Variants in NUFIP2 observed in about 807,000 individuals in gnomAD.
NUFIP2 encodes FMR1-interacting protein NUFIP2.
A neutral mutation model predicts 56.9 loss-of-function variants in NUFIP2; 6 were observed. The ratio of observed to expected loss-of-function variants is 0.11; its 90% CI spans 0.06 to 0.21. NUFIP2 has a LOEUF of 0.21. Among genes scored for constraint, NUFIP2 ranks in the 10% least tolerant of loss-of-function variants. The pLI is 1.00. For missense variants in NUFIP2, 828 were observed against 826.8 expected (o/e 1.00, Z -0.02); for synonymous variants, 321 against 298.2 (o/e 1.08, Z -0.79).
In NUFIP2 at chr17:29,261,824, A is replaced by G. The variant is rs2069004825; in HGVS notation, c.*2715T>C. 6.6e-6 allele frequency: 1 copy of G among 152,596 alleles called. No homozygotes were observed. Among genetic ancestry groups the G allele is most frequent in the South Asian group, 2.1e-4 (1 of 4,832 alleles). The allele number at this position is 152,596 out of a possible 1,614,324, so 9.5% of individuals were successfully genotyped here. A position where few individuals can be genotyped will look rare whatever the true frequency, so the allele number is the denominator to read the frequency against. On this transcript the variant is annotated 3_prime_UTR_variant, in exon 4 of 4. Transcript: ENST00000225388. ...CTGACAGTTAATATGATGGGGCACT[A>G]GGGTTCTCAGAAAGTTAACAGACAT...
intron 2 of NUFIP2, among the ~76,000 whole-genome samples, chr17:29,276,566 G>T (rs1395071897): frequency 6.6e-6 from 1 of 152,146 alleles, no homozygotes; most frequent in Non-Finnish European, 1.5e-5. Context: ...TCTAACTCCT[G>T]ACCTCAAGTG....
At chr17:29,266,033 TG>T (rs1176900679) in intron 3 of NUFIP2, among the ~76,000 whole-genome samples, 1 of 152,154 alleles carries the variant, frequency 6.6e-6, no homozygotes, top group African/African-American at 2.4e-5. Context: ...AGCAATGGCG[TG>T]ATCTCAGCTC....
At position 29,273,799 on chromosome 17, in the gene NUFIP2, A is replaced by C. The variant is rs1021499020; in HGVS notation, c.2003-6269T>G. Among the ~76,000 whole-genome samples, 5 of 152,182 alleles carry C rather than the reference A, an allele frequency of 3.3e-5. No individual in the cohort carries two copies. In the East Asian group the frequency reaches 9.6e-4, roughly 29 times the overall value. On this transcript the variant is annotated intron_variant, in intron 2 of 3. Transcript: ENST00000225388. ...CCCAATCTGAAATTTCTTTACATCA[A>C]AACTTATATTTAGCTATGCCACTCA...
rs764038674 is a variant in NUFIP2, at chr17:29,283,467, T to G, written c.2002+2525A>C. Among the ~76,000 whole-genome samples, 94 of 152,182 alleles carry G rather than the reference T, an allele frequency of 6.2e-4. 1 individual carries two copies. Among genetic ancestry groups the G allele is most frequent in the Admixed American group, 4.6e-4 (7 of 15,278 alleles). On this transcript the variant is annotated intron_variant, in intron 2 of 3. Transcript: ENST00000225388. ...GATCCTCCCTCCTAAGCCTCCCAAG[T>G]AGCTGGGACTACACATTGTTGCCCA...
intron 2 of NUFIP2, among the ~76,000 whole-genome samples, chr17:29,268,616 C>T (rs1304973690): frequency 6.6e-6 from 1 of 152,160 alleles, no homozygotes; most frequent in Non-Finnish European, 1.5e-5. Context: ...CTCCCGGGTT[C>T]AAGCGATTCT....
At chr17:29,267,577 G>GT in intron 2 of NUFIP2, 47 bp from the exon 3 acceptor site, 1 of 1,145,216 alleles carries the variant, frequency 8.7e-7, no homozygotes, top group Non-Finnish European at 1.3e-6. Context: ...GGTGAGCAAA[G>GT]TCTGAAGCGA....
At position 29,260,477 on chromosome 17, in the gene NUFIP2, T is replaced by C. The variant is rs2068996287; in HGVS notation, c.*4062A>G. The C allele has an allele frequency of 6.6e-6, 1 of 152,222 alleles. No individual in the cohort carries two copies. Among genetic ancestry groups the C allele is most frequent in the Non-Finnish European group, 1.5e-5 (1 of 68,038 alleles). 9.4% of individuals were successfully genotyped at this position (152,222 alleles called of 1,614,324 possible). A position where few individuals can be genotyped will look rare whatever the true frequency, so the allele number is the denominator to read the frequency against. On this transcript the variant is annotated 3_prime_UTR_variant, in exon 4 of 4. Coordinates refer to ENST00000225388, the MANE Select transcript of NUFIP2 (RefSeq NM_020772.3). ...ATCTATTTCTCTGAAGAGAGCCTTG[T>C]AGGAATGACTCCGTCCTTATTTACA...
chr17:29,268,056 G>A (rs1443241012), intron 2 of NUFIP2, among the ~76,000 whole-genome samples: 1 of 152,026 alleles, frequency 6.6e-6, no homozygotes, highest in African/African-American at 2.4e-5. Flanking sequence ...CCGCCACCAC[G>A]CCCAGCTAAT....
In NUFIP2 at chr17:29,256,740, T is replaced by C. The variant is rs921971099; in HGVS notation, c.*7799A>G. ...TACATCTACACATTATAAGTACACA[T>C]ACACAAAGTAAAGCTATTTAGTACA... On this transcript the variant is annotated 3_prime_UTR_variant, in exon 4 of 4. Transcript: ENST00000225388. 1 of 152,002 alleles carries C rather than the reference T, an allele frequency of 6.6e-6. No homozygotes were observed. Among genetic ancestry groups the C allele is most frequent in the Non-Finnish European group, 1.5e-5 (1 of 67,976 alleles). 9.4% of individuals were successfully genotyped at this position (152,002 alleles called of 1,614,324 possible). A position where few individuals can be genotyped will look rare whatever the true frequency, so the allele number is the denominator to read the frequency against.
rs1349812994 is a variant in NUFIP2, at chr17:29,294,143, A to G, written c.-84T>C. The G allele has an allele frequency of 3.4e-6, 5 of 1,477,840 alleles. No individual in the cohort carries two copies. Among genetic ancestry groups the G allele is most frequent in the African/African-American group, 1.4e-5 (1 of 71,346 alleles). 91.5% of individuals were successfully genotyped at this position (1,477,840 alleles called of 1,614,324 possible). On this transcript the variant is annotated 5_prime_UTR_variant, in exon 1 of 4. Coordinates refer to ENST00000225388, the MANE Select transcript of NUFIP2 (RefSeq NM_020772.3). ...GACTGCTTCTCAGGGCTCACTCAGT[A>G]TATCTGAGCGCGTCTCGCCAGCGCA...
At chr17:29,271,462 C>T (rs759498667) in intron 2 of NUFIP2, among the ~76,000 whole-genome samples, 18 of 151,654 alleles carry the variant, frequency 1.2e-4, no homozygotes, top group Admixed American at 9.2e-4. Context: ...ACTTGAACCC[C>T]GTAGACGGAG....
intron 2 of NUFIP2, among the ~76,000 whole-genome samples, chr17:29,274,026 T>A (rs1354436537): frequency 6.6e-6 from 1 of 151,354 alleles, no homozygotes; most frequent in Non-Finnish European, 1.5e-5. Context: ...AACCAAAGAG[T>A]CTGCCCTCTG....
At chr17:29,279,602 T>C (rs1349243795) in intron 2 of NUFIP2, among the ~76,000 whole-genome samples, 1 of 152,190 alleles carries the variant, frequency 6.6e-6, no homozygotes, top group Non-Finnish European at 1.5e-5. Context: ...AGCACGATTA[T>C]GGCTCACTGC....
chr17:29,271,410 G>A (rs944871051), intron 2 of NUFIP2, among the ~76,000 whole-genome samples: 3 of 151,938 alleles, frequency 2.0e-5, no homozygotes, highest in African/African-American at 7.3e-5. Context: ...GGTGGTGCAC[G>A]CCTGTAATCC....
Position 29,287,587 on chromosome 17 carries a change from T to C in NUFIP2, c.407A>G (p.Lys136Arg). The C allele has an allele frequency of 6.2e-7, 1 of 1,614,212 alleles. No homozygotes were observed. The highest frequency in any genetic ancestry group is 8.5e-7 in the Non-Finnish European group (1 of 1,180,040). ...AAAGGTGTTGGCCTTTACAGTCTGC[T>C]TCAGGCTAGTGTCTACAACTTGCTG... ...GNQQVVDTSLKQTVKANTFGK... is the reference protein window; with the variant it reads ...GNQQVVDTSLRQTVKANTFGK... The change falls in exon 2 of 4, where the codon AAG (lysine) becomes AGG (arginine). Residue 136 changes from lysine (K) to arginine (R), a missense_variant. Around this residue, in one of 3 missense-constraint regions of NUFIP2, gnomAD observed 415 missense variants for 408.7 expected, o/e 1.02. Coordinates refer to ENST00000225388, the MANE Select transcript of NUFIP2 (RefSeq NM_020772.3).
chr17:29,267,633 A>G, intron 2 of NUFIP2, 103 bp from the exon 3 acceptor site: 1 of 663,448 alleles, frequency 1.5e-6, no homozygotes, highest in Non-Finnish European at 2.5e-6. Flanking sequence ...TTACTGCCAG[A>G]CTGGAGGTAG....
In NUFIP2 at chr17:29,256,529, G is replaced by T. The variant is rs569676639; in HGVS notation, c.*8010C>A. On this transcript the variant is annotated 3_prime_UTR_variant, in exon 4 of 4. Coordinates refer to ENST00000225388, the MANE Select transcript of NUFIP2 (RefSeq NM_020772.3). ...AGGCAACAATATACTTGATGAAGAA[G>T]TAACCCTCTTCTGTATATTGAAAAA... The T allele has an allele frequency of 1.2e-4, 18 of 152,180 alleles. No homozygotes were observed. Among genetic ancestry groups the T allele is most frequent in the African/African-American group, 3.9e-4 (16 of 41,526 alleles). 9.4% of individuals were successfully genotyped at this position (152,180 alleles called of 1,614,324 possible). A position where few individuals can be genotyped will look rare whatever the true frequency, so the allele number is the denominator to read the frequency against.
Position 29,292,613 on chromosome 17 carries a change from C to A in NUFIP2, c.277+1170G>T, listed in dbSNP as rs1017268989. Among the ~76,000 whole-genome samples, 27 of 150,386 alleles carry A rather than the reference C, an allele frequency of 1.8e-4. 1 individual carries two copies. The East Asian group carries it at 2.0e-3, about 11-fold the overall frequency. On this transcript the variant is annotated intron_variant, in intron 1 of 3. Coordinates refer to ENST00000225388, the MANE Select transcript of NUFIP2 (RefSeq NM_020772.3). ...GAAATGAATCCCCCCGCCGCCCCCC[C>A]AGGCCTCCTGCCTCTAGGAGCGCCG...
intron 2 of NUFIP2, among the ~76,000 whole-genome samples, chr17:29,269,944 A>T (rs2069061759): frequency 6.6e-6 from 1 of 151,824 alleles, no homozygotes; most frequent in African/African-American, 2.4e-5. Flanking sequence ...GTGGTCTCGA[A>T]CTTCTGATCT....
Sources: gnomAD v4.1 joint callset for allele counts (sites outside exome capture counted in the v4.1 genomes callset) on GRCh38, gnomAD v4.1.1 for gene constraint, gnomAD v4.1.1 regional missense constraint, MANE v1.5 for transcripts, NCBI Gene and HGNC (gene_info 2026-07-23, HGNC 2026-07-21) for gene names.